ASTN2: variants seen among roughly 807,000 people sequenced by gnomAD.
ASTN2 encodes the protein astrotactin-2.
A neutral mutation model predicts 139.8 loss-of-function variants in ASTN2; 54 were observed. That is an observed-to-expected ratio of 0.39 (90% CI 0.31 to 0.48). The LOEUF (loss-of-function observed/expected upper bound fraction) is 0.48, where lower values mean the gene tolerates loss of function less well. Ranked by LOEUF, ASTN2 falls within the 20% of genes least tolerant of loss-of-function variation. ASTN2 has a pLI of 0.95. For synonymous variants in ASTN2, 756 were observed against 719.5 expected (o/e 1.05, Z -0.81); for missense variants, 1,565 against 1,725.1 (o/e 0.91, Z 1.64).
chr9:116,838,176 C>G (rs2132296615), intron 11 of ASTN2, among the ~76,000 whole-genome samples: 1 of 146,202 alleles, frequency 6.8e-6, no homozygotes, highest in South Asian at 2.2e-4. Context: ...GTGGTGCAAT[C>G]TCGGCTCACT....
At chr9:116,635,700 C>A (rs1857041354) in intron 17 of ASTN2, among the ~76,000 whole-genome samples, 1 of 152,088 alleles carries the variant, frequency 6.6e-6, no homozygotes, top group Admixed American at 6.6e-5. Flanking sequence ...GGAAGACAAG[C>A]AATAATTTCT....
intron 12 of ASTN2, among the ~76,000 whole-genome samples, chr9:116,806,875 A>T (rs1412805252): frequency 6.6e-6 from 1 of 152,230 alleles, no homozygotes; most frequent in Non-Finnish European, 1.5e-5. Context: ...TTGAGCATGT[A>T]CTATTCACTG....
Position 117,092,559 on chromosome 9 carries a change from G to A in ASTN2, c.1276+3485C>T, listed in dbSNP as rs1190174915. Among the ~76,000 whole-genome samples, 3 of 152,132 alleles carry A rather than the reference G, an allele frequency of 2.0e-5. No homozygotes were observed. In the East Asian group the frequency reaches 5.8e-4, roughly 29 times the overall value. ...GTCTTTATCAAAGCCCACATGCCTCGAGATTTGGAAAACACAGCTCAGCTC... is the reference window on the plus strand; with the variant it reads ...GTCTTTATCAAAGCCCACATGCCTCAAGATTTGGAAAACACAGCTCAGCTC... On this transcript the variant is annotated intron_variant, in intron 5 of 22. Coordinates refer to ENST00000313400, the MANE Select transcript of ASTN2 (RefSeq NM_001365068.1).
intron 16 of ASTN2, among the ~76,000 whole-genome samples, chr9:116,668,439 G>T (rs1269136393): frequency 6.6e-6 from 1 of 152,110 alleles, no homozygotes; most frequent in South Asian, 2.1e-4. Flanking sequence ...TGATCCACCC[G>T]CCTCGGCCTC....
chr9:117,334,866 C>T (rs965260662), intron 1 of ASTN2, among the ~76,000 whole-genome samples: 3 of 152,084 alleles, frequency 2.0e-5, no homozygotes, highest in Admixed American at 2.0e-4. Flanking sequence ...TCATCCTGGC[C>T]AACATGGTGA....
chr9:117,006,654 A>G (rs544422389), intron 7 of ASTN2, among the ~76,000 whole-genome samples: 1 of 152,130 alleles, frequency 6.6e-6, no homozygotes, highest in South Asian at 2.1e-4. Flanking sequence ...TTCTTTACTG[A>G]GAATCTCCCA....
intron 3 of ASTN2, among the ~76,000 whole-genome samples, chr9:117,200,251 T>A (rs1831661445): frequency 8.0e-6 from 1 of 124,896 alleles, no homozygotes; most frequent in Non-Finnish European, 1.7e-5. Flanking sequence ...CCAACAACAG[T>A]CCCCGGTGTG....
At chr9:117,274,304 C>T (rs572883862) in intron 2 of ASTN2, among the ~76,000 whole-genome samples, 202 of 152,214 alleles carry the variant, frequency 1.3e-3, no homozygotes, top group Middle Eastern at 6.8e-3. Flanking sequence ...GAGCCAAGAT[C>T]GCACCACTGC....
At chr9:116,654,078 G>A (rs1480634269) in intron 16 of ASTN2, among the ~76,000 whole-genome samples, 2 of 152,196 alleles carry the variant, frequency 1.3e-5, no homozygotes, top group African/African-American at 4.8e-5. Context: ...ACTTGGGAGA[G>A]AATAGCCGTT....
chr9:116,673,341 G>A (rs1240766999), intron 16 of ASTN2, among the ~76,000 whole-genome samples: 2 of 152,004 alleles, frequency 1.3e-5, no homozygotes, highest in East Asian at 3.9e-4. Context: ...CAACAATCCT[G>A]TGTTAACTAT....
rs1026865248 is a variant in ASTN2 at position 116,922,365 on chromosome 9, T to C, written c.1889+52843A>G. Reference sequence around the variant, plus strand: ...CTACAATGCCAGATTCATAATGAGTTTTTAATCATTTTTTTCAATAATGAC... The same window carrying C: ...CTACAATGCCAGATTCATAATGAGTCTTTAATCATTTTTTTCAATAATGAC... On this transcript the variant is annotated intron_variant, in intron 10 of 22. Transcript: ENST00000313400. Among the ~76,000 whole-genome samples the C allele has an allele frequency of 2.6e-5, 4 of 152,228 alleles. No homozygotes were observed. In the East Asian group the frequency reaches 7.7e-4, roughly 29 times the overall value.
chr9:116,826,715 C>G (rs10983363), intron 11 of ASTN2, among the ~76,000 whole-genome samples: 2,577 of 152,124 alleles, frequency 0.017, 28 homozygotes, highest in East Asian at 0.034. Context: ...AACTAATGGC[C>G]CAAGAATCAG....
intron 5 of ASTN2, among the ~76,000 whole-genome samples, chr9:117,046,012 G>T (rs1259249986): frequency 6.6e-6 from 1 of 151,640 alleles, no homozygotes; most frequent in Non-Finnish European, 1.5e-5. Flanking sequence ...ATGTATGTAT[G>T]TATGTATGTA....
intron 13 of ASTN2, among the ~76,000 whole-genome samples, chr9:116,735,775 G>T (rs1196337719): frequency 6.6e-6 from 1 of 152,208 alleles, no homozygotes; most frequent in African/African-American, 2.4e-5. Flanking sequence ...CTCAGCCTTG[G>T]AAGCTGAGAA....
chr9:117,319,454 C>A (rs1208600279), intron 1 of ASTN2, among the ~76,000 whole-genome samples: 1 of 152,188 alleles, frequency 6.6e-6, no homozygotes, highest in Non-Finnish European at 1.5e-5. Flanking sequence ...TTTGAGACAG[C>A]ATCTCACTCT....
intron 16 of ASTN2, among the ~76,000 whole-genome samples, chr9:116,671,016 T>C (rs183940045): frequency 6.6e-6 from 1 of 152,320 alleles, no homozygotes; most frequent in East Asian, 1.9e-4. Context: ...AAGGACATTT[T>C]TGCAATCTTA....
rs562746068 is a variant in ASTN2 at position 117,051,594 on chromosome 9, C to A, written c.1277-11629G>T. Among the ~76,000 whole-genome samples the A allele has an allele frequency of 5.3e-5, 8 of 152,346 alleles. No homozygotes were observed. In the South Asian group the frequency reaches 1.5e-3, roughly 28 times the overall value. ...CTAAAAACTGGCCCCCACCCCTTCT[C>A]TCCAAGGTACCCCTTTGGTTCTAAA... On this transcript the variant is annotated intron_variant, in intron 5 of 22. Transcript: ENST00000313400.
At chr9:117,132,180 C>T (rs576059604) in intron 4 of ASTN2, among the ~76,000 whole-genome samples, 1 of 152,186 alleles carries the variant, frequency 6.6e-6, no homozygotes, top group South Asian at 2.1e-4. Flanking sequence ...AACCTTGCAG[C>T]TCCTACTTCT....
intron 10 of ASTN2, among the ~76,000 whole-genome samples, chr9:116,906,613 A>T (rs1054478255): frequency 1.3e-5 from 2 of 152,162 alleles, no homozygotes; most frequent in African/African-American, 4.8e-5. Flanking sequence ...TGGTTTTCTT[A>T]TGTGCCCCTC....
Sources: gnomAD v4.1 joint callset for allele counts (sites outside exome capture counted in the v4.1 genomes callset) on GRCh38, gnomAD v4.1.1 for gene constraint, MANE v1.5 for transcripts, NCBI Gene and HGNC (gene_info 2026-07-23, HGNC 2026-07-21) for gene names.